UNC80: variants seen among roughly 807,000 people sequenced by gnomAD.
UNC80 encodes the protein unc-80 subunit of NALCN channel complex.
In UNC80, 164 loss-of-function variants were observed where a neutral mutation model predicts 384.6. That is an observed-to-expected ratio of 0.43 (90% CI 0.38 to 0.49). The LOEUF (loss-of-function observed/expected upper bound fraction) is 0.49, where lower values mean the gene tolerates loss of function less well. Ranked by LOEUF, UNC80 falls within the 20% of genes least tolerant of loss-of-function variation. UNC80 has a pLI of 0.00. For missense variants in UNC80, 3,330 were observed against 4,143.0 expected (o/e 0.80, Z 5.39); for synonymous variants, 1,486 against 1,527.8 (o/e 0.97, Z 0.64).
chr2:209,946,606 C>T (rs1389378273), intron 47 of UNC80, among the ~76,000 whole-genome samples: 1 of 152,128 alleles, frequency 6.6e-6, no homozygotes, highest in Non-Finnish European at 1.5e-5. Context: ...AAACTCCTTT[C>T]AAGGGGCAAT....
intron 56 of UNC80, 22 bp downstream of exon 56, chr2:209,973,292 C>G: frequency 1.9e-6 from 3 of 1,546,536 alleles, no homozygotes; most frequent in Non-Finnish European, 1.7e-6. Flanking sequence ...CTCTCTCTCT[C>G]TCTCTGTTTG....
At chr2:209,942,412 A>AT (rs1411700805) in intron 44 of UNC80, among the ~76,000 whole-genome samples, 2 of 152,144 alleles carry the variant, frequency 1.3e-5, no homozygotes, top group African/African-American at 4.8e-5. Context: ...CTGAATAGAG[A>AT]TTTTCATTCC....
chr2:209,975,845 C>T (rs1005226937), intron 56 of UNC80, among the ~76,000 whole-genome samples: 7 of 152,140 alleles, frequency 4.6e-5, no homozygotes, highest in African/African-American at 1.4e-4. Flanking sequence ...CAGTGGACCA[C>T]ATTGCTCTAT....
chr2:209,835,898 G>A (rs753891480), intron 18 of UNC80, among the ~76,000 whole-genome samples: 89 of 152,278 alleles, frequency 5.8e-4, no homozygotes, highest in Non-Finnish European at 9.4e-4. Flanking sequence ...TGCCCACAGA[G>A]TTCTTGTAGC....
chr2:209,846,960 GT>G (rs2082214225), intron 21 of UNC80, among the ~76,000 whole-genome samples: 1 of 152,010 alleles, frequency 6.6e-6, no homozygotes, highest in African/African-American at 2.4e-5. Flanking sequence ...CTTACATTAA[GT>G]TTTTCTAACA....
At chr2:209,913,721 G>A (rs765496535) in intron 30 of UNC80, 81 bp from the exon 31 acceptor site, 8 of 1,392,518 alleles carry the variant, frequency 5.7e-6, no homozygotes, top group African/African-American at 1.4e-5. Flanking sequence ...AGAGAGAGGG[G>A]ACGTGGCTTT....
Position 209,911,237 on chromosome 2 carries a change from C to A in UNC80, c.4783-1323C>A, listed in dbSNP as rs571109069. 1.1e-4 allele frequency among the ~76,000 whole-genome samples: 16 copies of A among 152,196 alleles called. No homozygotes were observed. In the East Asian group the frequency reaches 3.1e-3, roughly 29 times the overall value. On this transcript the variant is annotated intron_variant, in intron 29 of 64. Transcript: ENST00000673920. ...GACTCTTTTGCAAGGGTCAGATACA[C>A]CTCCATATTAATGTGGAAAACTATT... is the stretch of plus-strand genomic sequence containing the variant.
At chr2:209,793,327 T>C (rs189806292) in intron 6 of UNC80, among the ~76,000 whole-genome samples, 1 of 152,348 alleles carries the variant, frequency 6.6e-6, no homozygotes, top group African/African-American at 2.4e-5. Context: ...CTGGCTTCAA[T>C]CTGATTAGGT....
intron 59 of UNC80, among the ~76,000 whole-genome samples, chr2:209,980,226 T>C (rs2093125671): frequency 6.6e-6 from 1 of 152,246 alleles, no homozygotes; most frequent in Admixed American, 6.5e-5. Flanking sequence ...AAATCAATTT[T>C]TTCTTTAATG....
rs2093486198 is a variant in UNC80, at chr2:209,996,536, C to T, written c.*941C>T. On this transcript the variant is annotated 3_prime_UTR_variant, in exon 65 of 65. Transcript: ENST00000673920. ...ATATTAAGGTTAGTGTTGTTAGAAT[C>T]GGTTTAATAAAATAACATTTTCCTA... The T allele has an allele frequency of 6.6e-6, 1 of 152,164 alleles. No individual in the cohort carries two copies. 9.4% of individuals were successfully genotyped at this position (152,164 alleles called of 1,614,324 possible).
chr2:209,900,939 G>A (rs916329343), intron 28 of UNC80, among the ~76,000 whole-genome samples: 3 of 152,198 alleles, frequency 2.0e-5, no homozygotes, highest in Non-Finnish European at 4.4e-5. Flanking sequence ...TTCTGTGAGG[G>A]CTGAGAAAGG....
chr2:209,835,058 C>G, intron 18 of UNC80, 48 bp downstream of exon 18: 1 of 1,387,450 alleles, frequency 7.2e-7, no homozygotes, highest in Non-Finnish European at 9.9e-7. Context: ...ATGCACTTCA[C>G]TCTGGAAGAA....
At position 209,785,949 on chromosome 2, in the gene UNC80, CA is replaced by C. The variant is rs1386796569; in HGVS notation, c.601-116del. 1.9e-5 allele frequency: 22 copies of C among 1,173,846 alleles called. No individual in the cohort carries two copies. In the African/African-American group the frequency reaches 3.1e-4, roughly 17 times the overall value. 72.7% of individuals were successfully genotyped at this position (1,173,846 alleles called of 1,614,324 possible). On this transcript the variant is annotated intron_variant, in intron 4 of 64. Transcript: ENST00000673920. The stretch of plus-strand genomic sequence containing the variant: ...ATCTGACTAATGAGAGAAGGTTTGG[CA>C]GATAAATTCACTCTGAAAATAACCT...
chr2:209,954,091 C>T lies in UNC80; in HGVS notation c.7287-9C>T, dbSNP rs919833457. On this transcript the variant is annotated splice_polypyrimidine_tract_variant and intron_variant, in intron 47 of 64. Transcript: ENST00000673920. ...AAAGGTGACTCGGTTTTCTTTCTGTCGCTTAAAGTCTTCAGATGCTGATGG... is the reference window on the plus strand; with the variant it reads ...AAAGGTGACTCGGTTTTCTTTCTGTTGCTTAAAGTCTTCAGATGCTGATGG... 7.8e-6 allele frequency: 12 copies of T among 1,542,546 alleles called. No individual in the cohort carries two copies. Among genetic ancestry groups the T allele is most frequent in the African/African-American group, 6.9e-5 (5 of 72,422 alleles).
At chr2:209,875,925 T>C (rs993180092) in intron 23 of UNC80, among the ~76,000 whole-genome samples, 2 of 152,178 alleles carry the variant, frequency 1.3e-5, no homozygotes, top group Non-Finnish European at 2.9e-5. Flanking sequence ...ACCACATAGA[T>C]GAATTAATTT....
At chr2:209,790,505 A>G (rs1261672728) in intron 6 of UNC80, among the ~76,000 whole-genome samples, 2 of 152,168 alleles carry the variant, frequency 1.3e-5, no homozygotes, top group African/African-American at 2.4e-5. Context: ...ATGCTTGACA[A>G]TCTTTGGCCC....
intron 26 of UNC80, among the ~76,000 whole-genome samples, chr2:209,893,905 A>G (rs915039213): frequency 2.6e-5 from 4 of 152,166 alleles, no homozygotes; most frequent in African/African-American, 9.7e-5. Flanking sequence ...CCAAAAGCAC[A>G]CTCATGCTAG....
At chr2:209,911,637 A>G (rs1283122517) in intron 29 of UNC80, among the ~76,000 whole-genome samples, 1 of 152,216 alleles carries the variant, frequency 6.6e-6, no homozygotes, top group Non-Finnish European at 1.5e-5. Flanking sequence ...ATTCTTAAGA[A>G]GTTCAGTTTT....
intron 47 of UNC80, among the ~76,000 whole-genome samples, chr2:209,949,390 G>A (rs1261088730): frequency 6.6e-6 from 1 of 152,168 alleles, no homozygotes; most frequent in East Asian, 1.9e-4. Flanking sequence ...TAAAGTCCTT[G>A]TCAGGCTATA....
Sources: allele counts gnomAD v4.1 joint callset (sites outside exome capture counted in the v4.1 genomes callset), GRCh38; gene constraint gnomAD v4.1.1; transcripts MANE v1.5; gene names NCBI Gene and HGNC (gene_info 2026-07-23, HGNC 2026-07-21).